PCDH9: variants seen among roughly 807,000 people sequenced by gnomAD.
The protein encoded by PCDH9 is protocadherin 9.
In PCDH9, 24 loss-of-function variants were observed where a neutral mutation model predicts 70.6. The observed-to-expected ratio is 0.34, with a 90% CI of 0.25 to 0.48. The LOEUF (loss-of-function observed/expected upper bound fraction) is 0.48. Among genes scored for constraint, PCDH9 ranks in the 20% least tolerant of loss-of-function variants. The pLI, the probability that PCDH9 is intolerant of heterozygous loss-of-function variation, is 0.99. For missense variants in PCDH9, 1,281 were observed against 1,503.6 expected, an observed-to-expected ratio of 0.85 and a Z score of 2.45; for synonymous variants, 562 against 558.5, an observed-to-expected ratio of 1.01 and a Z score of -0.09.
chr13:66,864,801 T>C (rs187201382), intron 3 of PCDH9, among the ~76,000 whole-genome samples: 4 of 152,214 alleles, frequency 2.6e-5, no homozygotes, highest in Admixed American at 6.5e-5. Flanking sequence ...TGTTTTATTT[T>C]GTGCATCGTT....
rs766393138 is a variant in PCDH9, at chr13:67,226,507, A to C, written c.1934T>G (p.Val645Gly). ...TGGTTGTCCTCCATCAGTGGCTTTG[A>C]CATCAAAAGTGTAGGAACTCTGCTG... The part of the protein sequence containing the change: ...REQQSSYTFD[V>G]KATDGGQPPR... The change falls in exon 2 of 5, where the codon GTC becomes GGC. Residue 645 changes from valine to glycine, a missense_variant. By Grantham distance (109) the Val-to-Gly change is moderately radical. Around this residue, in one of 4 missense-constraint regions of PCDH9, gnomAD observed 798 missense variants for 1,003.1 expected, o/e 0.80. Coordinates refer to ENST00000377865, the MANE Select transcript of PCDH9 (RefSeq NM_203487.3). The surrounding 1 kb of genome is among the most constrained non-coding windows in gnomAD (Gnocchi z 5.0). The C allele has an allele frequency of 2.5e-6, 4 of 1,614,130 alleles. No homozygotes were observed. Among genetic ancestry groups the C allele is most frequent in the Non-Finnish European group, 3.4e-6 (4 of 1,179,970 alleles).
At chr13:66,876,255 TA>T (rs1010853274) in intron 3 of PCDH9, among the ~76,000 whole-genome samples, 4 of 151,128 alleles carry the variant, frequency 2.6e-5, no homozygotes, top group East Asian at 1.9e-4. Context: ...AGTAAGAAAG[TA>T]AAAAAAAATA....
chr13:66,768,594 T>G (rs1385328019), intron 3 of PCDH9, among the ~76,000 whole-genome samples: 2 of 152,054 alleles, frequency 1.3e-5, no homozygotes, highest in African/African-American at 4.8e-5. Context: ...GCTTAGAAAG[T>G]TGGCTGGAAA....
At chr13:66,816,390 T>A (rs1252858716) in intron 3 of PCDH9, among the ~76,000 whole-genome samples, 1 of 152,132 alleles carries the variant, frequency 6.6e-6, no homozygotes, top group Non-Finnish European at 1.5e-5. Flanking sequence ...ATAGCCCAGG[T>A]AGAACCCAAG....
At chr13:66,614,148 G>T (rs750181952) in intron 4 of PCDH9, among the ~76,000 whole-genome samples, 3 of 152,180 alleles carry the variant, frequency 2.0e-5, no homozygotes, top group Non-Finnish European at 2.9e-5. Context: ...ACATGTAAGG[G>T]AGTAAGAACA....
chr13:67,202,161 T>A (rs2089229638), intron 2 of PCDH9: 1 of 151,962 alleles, frequency 6.6e-6, no homozygotes, highest in South Asian at 2.1e-4. Flanking sequence ...CTTGGTGTGG[T>A]GAGGTGAGGA....
intron 4 of PCDH9, among the ~76,000 whole-genome samples, chr13:66,556,065 A>T (rs1406579461): frequency 1.3e-5 from 2 of 151,352 alleles, no homozygotes; most frequent in African/African-American, 4.8e-5. Context: ...TTTGCTGATG[A>T]TAATATATGT....
chr13:66,622,991 G>GT (rs1278699005), intron 4 of PCDH9, among the ~76,000 whole-genome samples: 1 of 152,104 alleles, frequency 6.6e-6, no homozygotes, highest in Non-Finnish European at 1.5e-5. Context: ...CTTAAGAGCT[G>GT]TAACACTCAC....
intron 3 of PCDH9, among the ~76,000 whole-genome samples, chr13:66,758,525 C>A (rs998997061): frequency 6.6e-6 from 1 of 151,752 alleles, no homozygotes; most frequent in Non-Finnish European, 1.5e-5. Context: ...CATTCCTATT[C>A]AATAGAACAT....
chr13:66,805,669 A>T (rs1167215831), intron 3 of PCDH9, among the ~76,000 whole-genome samples: 2 of 152,162 alleles, frequency 1.3e-5, no homozygotes, highest in African/African-American at 4.8e-5. Context: ...TATGAAAGAA[A>T]AAAATAGAAT....
At chr13:67,028,555 A>T (rs969812337) in intron 2 of PCDH9, among the ~76,000 whole-genome samples, 1 of 150,182 alleles carries the variant, frequency 6.7e-6, no homozygotes, top group African/African-American at 2.4e-5. Flanking sequence ...GTACCCTAAA[A>T]CTTTAAGTAT....
chr13:66,968,983 G>A (rs1358777424), intron 2 of PCDH9, among the ~76,000 whole-genome samples: 2 of 151,990 alleles, frequency 1.3e-5, no homozygotes. Flanking sequence ...TTCCCTTTAA[G>A]TATCACTGGA....
At chr13:66,999,335 A>T (rs2084189749) in intron 2 of PCDH9, among the ~76,000 whole-genome samples, 1 of 152,242 alleles carries the variant, frequency 6.6e-6, no homozygotes, top group African/African-American at 2.4e-5. Context: ...GATCCCTTAA[A>T]AAAAGAAGTG....
intron 3 of PCDH9, among the ~76,000 whole-genome samples, chr13:66,697,382 C>T (rs986834936): frequency 6.6e-6 from 1 of 152,060 alleles, no homozygotes; most frequent in African/African-American, 2.4e-5. Flanking sequence ...ATTACAGGCT[C>T]TCACATACAT....
chr13:67,108,787 A>G (rs937782555), intron 2 of PCDH9, among the ~76,000 whole-genome samples: 3 of 152,216 alleles, frequency 2.0e-5, no homozygotes, highest in African/African-American at 7.2e-5. Context: ...AAATTTGAAT[A>G]AGCATACATT....
chr13:67,095,898 T>C (rs1158183753), intron 2 of PCDH9, among the ~76,000 whole-genome samples: 1 of 152,106 alleles, frequency 6.6e-6, no homozygotes, highest in African/African-American at 2.4e-5. Flanking sequence ...AAATAGAAAC[T>C]AAATGCCTTT....
chr13:66,415,015 T>C (rs965271638), intron 4 of PCDH9, among the ~76,000 whole-genome samples: 16 of 152,096 alleles, frequency 1.1e-4, no homozygotes, highest in Admixed American at 7.2e-4. Context: ...GCTATAGATA[T>C]GGTGTTAAGG....
At chr13:66,591,167 G>C (rs2077034742) in intron 4 of PCDH9, among the ~76,000 whole-genome samples, 1 of 151,542 alleles carries the variant, frequency 6.6e-6, no homozygotes, top group Admixed American at 6.6e-5. Context: ...TCCCAAAGGA[G>C]GCATCAATTC....
intron 4 of PCDH9, among the ~76,000 whole-genome samples, chr13:66,344,432 G>T (rs1404244656): frequency 6.6e-6 from 1 of 152,066 alleles, no homozygotes; most frequent in African/African-American, 2.4e-5. Flanking sequence ...GGCCAATAAA[G>T]TATTTTTAAC....
Sources: gnomAD v4.1 joint callset for allele counts (sites outside exome capture counted in the v4.1 genomes callset) on GRCh38, gnomAD v4.1.1 for gene constraint, gnomAD v4.1.1 regional missense constraint, Gnocchi (gnomAD v3.1) non-coding constraint, MANE v1.5 for transcripts, NCBI Gene and HGNC (gene_info 2026-07-23, HGNC 2026-07-21) for gene names.